The following ATOX1 variants were observed in gnomAD, a reference collection of about 807,000 sequenced individuals.
The protein encoded by ATOX1 is antioxidant 1 copper chaperone.
A neutral mutation model predicts 7.3 loss-of-function variants in ATOX1; 4 were observed. The ratio of observed to expected loss-of-function variants is 0.55; its 90% CI spans 0.27 to 1.25. ATOX1 has a LOEUF of 1.25. ATOX1 is among the 50% of genes most tolerant of loss of function. The pLI is 0.12. For synonymous variants in ATOX1, 25 were observed against 28.7 expected, an observed-to-expected ratio of 0.87 and a Z score of 0.41; for missense variants, 68 against 81.6, an observed-to-expected ratio of 0.83 and a Z score of 0.64.
Position 151,751,204 on chromosome 5 carries a change from C to T in ATOX1, c.82+500G>A, listed in dbSNP as rs544223227. Among the ~76,000 whole-genome samples, 7 of 146,594 alleles carry T rather than the reference C, an allele frequency of 4.8e-5. No homozygotes were observed. In the South Asian group the frequency reaches 6.4e-4, roughly 13 times the overall value. ...CTGGGAGGCGGAGGTTGCAACAAGC[C>T]GAGATTGCACCATTGCACTCCAGGC... On this transcript the variant is annotated intron_variant, in intron 2 of 3. Transcript: ENST00000313115.
intron 2 of ATOX1, among the ~76,000 whole-genome samples, chr5:151,750,166 C>G (rs993232526): frequency 2.0e-5 from 3 of 152,204 alleles, no homozygotes; most frequent in Admixed American, 6.5e-5. Context: ...CTCACTGAGT[C>G]CCAGGACCAG....
chr5:151,752,414 C>T (rs556931698), intron 1 of ATOX1: 46 of 696,950 alleles, frequency 6.6e-5, no homozygotes, highest in Middle Eastern at 3.4e-4. Flanking sequence ...AAGGGATCCC[C>T]GGCTCCTAGT....
chr5:151,758,424 G>T, intron 1 of ATOX1, 122 bp downstream of exon 1: 1 of 1,347,232 alleles, frequency 7.4e-7, no homozygotes, highest in Non-Finnish European at 9.6e-7. Flanking sequence ...TAAGCTAGGG[G>T]ACAACAGCGG....
intron 2 of ATOX1, among the ~76,000 whole-genome samples, chr5:151,751,301 G>C (rs1034050454): frequency 6.7e-6 from 1 of 148,818 alleles, no homozygotes; most frequent in South Asian, 2.1e-4. Context: ...ATGACACTCA[G>C]ATGTGTCATG....
At chr5:151,755,395 T>A (rs547556613) in intron 1 of ATOX1, among the ~76,000 whole-genome samples, 4 of 152,324 alleles carry the variant, frequency 2.6e-5, no homozygotes, top group African/African-American at 9.6e-5. Context: ...TAGCTTGCAG[T>A]CATGTGGCAA....
chr5:151,755,349 T>G (rs145049682), intron 1 of ATOX1, among the ~76,000 whole-genome samples: 1 of 152,186 alleles, frequency 6.6e-6, no homozygotes, highest in African/African-American at 2.4e-5. Flanking sequence ...CTTATTTCAC[T>G]CAGGAGGAAA....
rs560014537 is a variant in ATOX1, at chr5:151,758,212, A to G, written c.6+334T>C. Among the ~76,000 whole-genome samples the G allele has an allele frequency of 1.4e-4, 21 of 152,362 alleles. No homozygotes were observed. In the East Asian group the frequency reaches 3.3e-3, roughly 24 times the overall value. On this transcript the variant is annotated intron_variant, in intron 1 of 3. Coordinates refer to ENST00000313115, the MANE Select transcript of ATOX1 (RefSeq NM_004045.4). ...CAGCCAGGAGGAAGGCTCAGGGACTAGGCGTCTCAGTTCCCGCTGGCCACC... is the reference window on the plus strand; with the variant it reads ...CAGCCAGGAGGAAGGCTCAGGGACTGGGCGTCTCAGTTCCCGCTGGCCACC...
intron 2 of ATOX1, among the ~76,000 whole-genome samples, chr5:151,749,314 C>T (rs1761914435): frequency 2.0e-5 from 3 of 151,806 alleles, no homozygotes; most frequent in South Asian, 2.1e-4. Flanking sequence ...AGAGAAACCC[C>T]GTCTCTACTA....
chr5:151,750,089 G>GA (rs1257791610), intron 2 of ATOX1, among the ~76,000 whole-genome samples: 1 of 152,126 alleles, frequency 6.6e-6, no homozygotes, highest in Non-Finnish European at 1.5e-5. Context: ...AAAAAGAAAA[G>GA]AAAAAATCTT....
At chr5:151,750,913 G>A (rs1761941378) in intron 2 of ATOX1, among the ~76,000 whole-genome samples, 2 of 151,878 alleles carry the variant, frequency 1.3e-5, no homozygotes, top group African/African-American at 2.4e-5. Context: ...TCAGCCTTCC[G>A]AAATGCTGGG....
chr5:151,752,141 G>C (rs1761958033), intron 1 of ATOX1: 5 of 631,448 alleles, frequency 7.9e-6, no homozygotes, highest in Non-Finnish European at 1.4e-5. Flanking sequence ...AACTCTGACA[G>C]GGATGGGCCC....
chr5:151,753,234 C>G (rs1279635289), intron 1 of ATOX1, among the ~76,000 whole-genome samples: 1 of 152,222 alleles, frequency 6.6e-6, no homozygotes, highest in Non-Finnish European at 1.5e-5. Flanking sequence ...CAACATCTCA[C>G]TGCAGCTTTA....
At chr5:151,758,419 T>TAGGGGAC (rs1581560593) in intron 1 of ATOX1, 127 bp downstream of exon 1, 3 of 1,340,854 alleles carry the variant, frequency 2.2e-6, no homozygotes, top group East Asian at 6.2e-5. Flanking sequence ...TGGGGTAAGC[T>TAGGGGAC]AGGGGACAAC....
At chr5:151,745,847 A>C (rs1440557608) in intron 3 of ATOX1, 1 of 153,406 alleles carries the variant, frequency 6.5e-6, no homozygotes, top group East Asian at 1.9e-4. Context: ...ACTTGAGCCC[A>C]GGAGTTAAAG....
intron 1 of ATOX1, among the ~76,000 whole-genome samples, chr5:151,754,959 G>T (rs1302435310): frequency 7.2e-6 from 1 of 138,652 alleles, no homozygotes; most frequent in Non-Finnish European, 1.5e-5. Context: ...CTCCAGCCTG[G>T]CAAGAGAGCG....
intron 1 of ATOX1, among the ~76,000 whole-genome samples, chr5:151,755,448 C>T (rs1057106399): frequency 2.4e-4 from 37 of 152,134 alleles, no homozygotes; most frequent in Admixed American, 2.2e-3. Flanking sequence ...TTTCTTCGCT[C>T]CAGGGAAATC....
intron 3 of ATOX1, chr5:151,743,257 G>A (rs1428217188): frequency 1.3e-5 from 2 of 152,106 alleles, no homozygotes; most frequent in African/African-American, 2.4e-5. Context: ...GAATTTCCAG[G>A]GCTGCCAGGA....
At chr5:151,743,840 T>C (rs1000023217) in intron 3 of ATOX1, 4 of 152,172 alleles carry the variant, frequency 2.6e-5, no homozygotes, top group African/African-American at 9.7e-5. Flanking sequence ...CTTGGTGAAA[T>C]AAATACTAAC....
chr5:151,756,588 T>G (rs1222639011), intron 1 of ATOX1, among the ~76,000 whole-genome samples: 1 of 151,810 alleles, frequency 6.6e-6, no homozygotes, highest in African/African-American at 2.4e-5. Flanking sequence ...TCCTCCCACT[T>G]CAGCCTCCCA....
Sources: allele counts gnomAD v4.1 joint callset (sites outside exome capture counted in the v4.1 genomes callset), GRCh38; gene constraint gnomAD v4.1.1; transcripts MANE v1.5; gene names NCBI Gene and HGNC (gene_info 2026-07-23, HGNC 2026-07-21).